TNK2: variants seen among roughly 807,000 people sequenced by gnomAD.
TNK2 encodes the protein activated CDC42 kinase 1.
A neutral mutation model predicts 101.8 loss-of-function variants in TNK2; 83 were observed. The observed-to-expected ratio is 0.82, with a 90% CI of 0.68 to 0.98. TNK2 has a LOEUF of 0.98. TNK2 is among the 50% of genes least tolerant of loss of function. The probability of loss-of-function intolerance (pLI) is 0.00; values close to 1 mark genes in which losing one functional copy is unlikely to be tolerated. For missense variants in TNK2, 1,665 were observed against 1,483.2 expected (o/e 1.12, Z -2.01); for synonymous variants, 804 against 633.0 (o/e 1.27, Z -4.06).
Position 195,868,044 on chromosome 3 carries a change from GCTTGTCGTCACCCC to G in TNK2, c.2240_2253del (p.Gly747AlafsTer142). Reference sequence around the variant, plus strand: ...ATGGGTACCCGAGGAGGCACCTGGGGCTTGTCGTCACCCCCCGGGCTGGGAGAGGGGGCCGGGGA... The same window carrying G: ...ATGGGTACCCGAGGAGGCACCTGGGGCCGGGCTGGGAGAGGGGGCCGGGGA... On this transcript the variant is annotated frameshift_variant, in exon 13 of 16. Coordinates refer to ENST00000672887, the MANE Select transcript of TNK2 (RefSeq NM_001382273.1). LOFTEE classifies it high-confidence loss of function. 1 of 1,596,716 alleles carries G rather than the reference GCTTGTCGTCACCCC, an allele frequency of 6.3e-7. No homozygotes were observed. The highest frequency in any genetic ancestry group is 8.5e-7 in the Non-Finnish European group (1 of 1,174,978).
At position 195,878,157 on chromosome 3, in the gene TNK2, A is replaced by C. The variant is rs898035795; in HGVS notation, c.1256+96T>G. On this transcript the variant is annotated intron_variant, in intron 9 of 15. Coordinates refer to ENST00000672887, the MANE Select transcript of TNK2 (RefSeq NM_001382273.1). This position sits in a 1 kb window ranked among gnomAD's most constrained non-coding sequence, Gnocchi z 4.7. ...CCAACCGCCAGCCTGTATGTGGCCA[A>C]GGGAATCTTGGAGGCCAAACAGATC... 19 of 1,341,736 alleles carry C rather than the reference A, an allele frequency of 1.4e-5. No homozygotes were observed. The highest frequency in any genetic ancestry group is 1.9e-5 in the Non-Finnish European group (18 of 938,370). 83.1% of individuals were successfully genotyped at this position (1,341,736 alleles called of 1,614,324 possible).
chr3:195,871,947 A>C lies in TNK2; in HGVS notation c.1451+329T>G, dbSNP rs13063157. On this transcript the variant is annotated intron_variant, in intron 10 of 15. Coordinates refer to ENST00000672887, the MANE Select transcript of TNK2 (RefSeq NM_001382273.1). ...CCTGGAGAACCCTCCCCTGGAGAACATTCCCCTGGAGAACCCTCCCCTGGA... is the reference window on the plus strand; with the variant it reads ...CCTGGAGAACCCTCCCCTGGAGAACCTTCCCCTGGAGAACCCTCCCCTGGA... Among the ~76,000 whole-genome samples, 49 of 72,978 alleles carry C rather than the reference A, an allele frequency of 6.7e-4. 1 individual carries two copies. Among genetic ancestry groups the C allele is most frequent in the African/African-American group, 1.3e-3 (25 of 19,340 alleles). The allele number at this position is 72,978 out of a possible 152,430, so 47.9% of individuals were successfully genotyped here.
intron 10 of TNK2, among the ~76,000 whole-genome samples, chr3:195,871,565 T>C (rs1745349921): frequency 6.6e-6 from 1 of 152,132 alleles, no homozygotes; most frequent in South Asian, 2.1e-4. Flanking sequence ...AGGGGGGTCA[T>C]GGGAGAAGCT....
intron 1 of TNK2, among the ~76,000 whole-genome samples, chr3:195,903,329 C>T (rs941616490): frequency 1.2e-4 from 18 of 152,144 alleles, no homozygotes; most frequent in Non-Finnish European, 5.9e-5. Context: ...CGTGAGCCAC[C>T]GCGCCCGGCC....
Position 195,868,027 on chromosome 3 carries a change from C to T in TNK2, c.2271G>A (p.Arg757=), listed in dbSNP as rs747168931. The change falls in exon 13 of 16, where the codon CGG becomes CGA. Residue 757 remains arginine (R), a synonymous_variant. Transcript: ENST00000672887. ...GCGTGGGCCGAGGGGGGATGGGTAC[C>T]CGAGGAGGCACCTGGGGCTTGTCGT... ...GGDDKPQVPP[R]VPIPPRPTRP... 2 of 1,587,976 alleles carry T rather than the reference C, an allele frequency of 1.3e-6. No homozygotes were observed. Among genetic ancestry groups the T allele is most frequent in the East Asian group, 2.3e-5 (1 of 44,218 alleles).
rs972553246 is a variant in TNK2 at position 195,878,794 on chromosome 3, G to A, written c.1015-202C>T. Among the ~76,000 whole-genome samples the A allele has an allele frequency of 2.0e-5, 3 of 152,226 alleles. No individual in the cohort carries two copies. The East Asian group carries it at 5.8e-4, about 29-fold the overall frequency. On this transcript the variant is annotated intron_variant, in intron 7 of 15. Coordinates refer to ENST00000672887, the MANE Select transcript of TNK2 (RefSeq NM_001382273.1). This position sits in a 1 kb window ranked among gnomAD's most constrained non-coding sequence, Gnocchi z 4.7. ...CTGGAGCCTCGGAACAAGTGGATGT[G>A]GCAAGGGCTAGAGAAGGAGGGCAGG...
chr3:195,875,720 C>A (rs1748753313), intron 9 of TNK2, among the ~76,000 whole-genome samples: 1 of 152,180 alleles, frequency 6.6e-6, no homozygotes, highest in Non-Finnish European at 1.5e-5. Context: ...GGGCTGCTAC[C>A]CGGCCGTGAC....
intron 1 of TNK2, among the ~76,000 whole-genome samples, chr3:195,901,765 C>A (rs11720557): frequency 0.29 from 44,584 of 152,064 alleles, 6,744 homozygotes; most frequent in East Asian, 0.45. Context: ...ATATGGAAAC[C>A]AGCTCTGGAG....
intron 1 of TNK2, among the ~76,000 whole-genome samples, chr3:195,900,571 C>T (rs945927685): frequency 2.0e-5 from 3 of 152,218 alleles, no homozygotes; most frequent in African/African-American, 7.2e-5. Context: ...AGACAGTACA[C>T]TGAGGGCCCT....
At position 195,869,513 on chromosome 3, in the gene TNK2, A is replaced by G; in HGVS notation, c.1572T>C (p.Pro524=). Residue 524 remains proline, a synonymous_variant, in exon 12 of 16, where the codon CCT becomes CCC. Coordinates refer to ENST00000672887, the MANE Select transcript of TNK2 (RefSeq NM_001382273.1). Reference sequence around the variant, plus strand: ...CCCACTTACTCTGAGTGAAGAAGGCAGGCTGAGGTGGGCGAGGTGGAGGCT... The same window carrying G: ...CCCACTTACTCTGAGTGAAGAAGGCGGGCTGAGGTGGGCGAGGTGGAGGCT... ...KREPPPRPPQ[P]AFFTQKPTYD... 6.4e-7 allele frequency: 1 copy of G among 1,550,996 alleles called. No homozygotes were observed. The highest frequency in any genetic ancestry group is 8.7e-7 in the Non-Finnish European group (1 of 1,146,960).
intron 15 of TNK2, among the ~76,000 whole-genome samples, chr3:195,865,052 A>T (rs1739712742): frequency 1.4e-5 from 2 of 142,484 alleles, no homozygotes; most frequent in South Asian, 2.4e-4. Flanking sequence ...CACCCGAGAC[A>T]GTGACAGACA....
Position 195,878,652 on chromosome 3 carries a change from G to C in TNK2, c.1015-60C>G. 1 of 1,575,506 alleles carries C rather than the reference G, an allele frequency of 6.3e-7. No individual in the cohort carries two copies. Among genetic ancestry groups the C allele is most frequent in the Non-Finnish European group, 8.6e-7 (1 of 1,159,502 alleles). On this transcript the variant is annotated intron_variant, in intron 7 of 15. Coordinates refer to ENST00000672887, the MANE Select transcript of TNK2 (RefSeq NM_001382273.1). This position sits in a 1 kb window ranked among gnomAD's most constrained non-coding sequence, Gnocchi z 4.7. ...CAGAGCGCCCAGCCCTTCACTTCCCGCCTTCCCTCCAGCCCATCCACAGCT... is the reference window on the plus strand; with the variant it reads ...CAGAGCGCCCAGCCCTTCACTTCCCCCCTTCCCTCCAGCCCATCCACAGCT...
Position 195,868,054 on chromosome 3 carries a change from AC to A in TNK2, c.2243del (p.Gly748ValfsTer100). The A allele has an allele frequency of 2.5e-6, 4 of 1,597,914 alleles. No homozygotes were observed. Among genetic ancestry groups the A allele is most frequent in the Non-Finnish European group, 8.5e-7 (1 of 1,175,200 alleles). On this transcript the variant is annotated frameshift_variant, in exon 13 of 16. Transcript: ENST00000672887. LOFTEE classifies it high-confidence loss of function. ...GSPAPSPSPGGDDKPQVPPRV... is the reference protein window; with the variant it reads ...GSPAPSPSPGXDDKPQVPPRV... The stretch of plus-strand genomic sequence containing the variant: ...GAGGAGGCACCTGGGGCTTGTCGTC[AC>A]CCCCCGGGCTGGGAGAGGGGGCCGG...
intron 12 of TNK2, 183 bp downstream of exon 12, chr3:195,869,314 G>C: frequency 1.5e-6 from 1 of 669,670 alleles, no homozygotes; most frequent in East Asian, 2.7e-5. Flanking sequence ...CAGAAGCCCA[G>C]GCTCCGGGGG....
intron 9 of TNK2, among the ~76,000 whole-genome samples, chr3:195,873,163 A>G (rs898651206): frequency 9.2e-5 from 14 of 152,170 alleles, no homozygotes; most frequent in African/African-American, 3.1e-4. Context: ...ACCTGTGTCC[A>G]AAAGGGAACT....
At position 195,872,420 on chromosome 3, in the gene TNK2, C is replaced by T. The variant is rs1364521091; in HGVS notation, c.1307G>A (p.Gly436Glu). The change falls in exon 10 of 16, where the codon GGG becomes GAG. Residue 436 changes from glycine to glutamate, a missense_variant. Transcript: ENST00000672887. Reference sequence around the variant, plus strand: ...GGTCACCACGTTGCGAGGGAAGGGCCCCACACACAGCGTCCGTGTGTTCTG... The same window carrying T: ...GGTCACCACGTTGCGAGGGAAGGGCTCCACACACAGCGTCCGTGTGTTCTG... ...RGQNTRTLCVGPFPRNVVTSV... is the reference protein window; with the variant it reads ...RGQNTRTLCVEPFPRNVVTSV... 7 of 1,612,328 alleles carry T rather than the reference C, an allele frequency of 4.3e-6. No homozygotes were observed. The highest frequency in any genetic ancestry group is 5.9e-6 in the Non-Finnish European group (7 of 1,179,432).
intron 12 of TNK2, 104 bp from the exon 13 acceptor site, chr3:195,868,813 C>T (rs980452094): frequency 2.9e-5 from 39 of 1,347,612 alleles, no homozygotes; most frequent in Non-Finnish European, 3.4e-5. Flanking sequence ...CCCAGCAACC[C>T]TCCACTCCCA....
intron 1 of TNK2, among the ~76,000 whole-genome samples, chr3:195,901,121 C>G (rs1761160344): frequency 6.6e-6 from 1 of 152,132 alleles, no homozygotes; most frequent in Non-Finnish European, 1.5e-5. Flanking sequence ...GCCTGGGAGC[C>G]AGAGAAATGT....
At position 195,869,523 on chromosome 3, in the gene TNK2, G is replaced by A. The variant is rs1743407342; in HGVS notation, c.1562C>T (p.Pro521Leu). The A allele has an allele frequency of 1.3e-6, 2 of 1,551,108 alleles. No individual in the cohort carries two copies. Among genetic ancestry groups the A allele is most frequent in the Non-Finnish European group, 1.7e-6 (2 of 1,146,970 alleles). The change falls in exon 12 of 16, where the codon CCA (proline) becomes CTA (leucine). Residue 521 changes from proline (P) to leucine (L), a missense_variant. Around this residue, in one of 3 missense-constraint regions of TNK2, gnomAD observed 1,136 missense variants for 894.9 expected, o/e 1.27. Coordinates refer to ENST00000672887, the MANE Select transcript of TNK2 (RefSeq NM_001382273.1). ...GGVKREPPPR[P>L]PQPAFFTQKP... ...CTGAGTGAAGAAGGCAGGCTGAGGT[G>A]GGCGAGGTGGAGGCTCCCCTGCAAG...
Sources: allele counts gnomAD v4.1 joint callset (sites outside exome capture counted in the v4.1 genomes callset), GRCh38; gene constraint gnomAD v4.1.1; regional missense constraint gnomAD v4.1.1; non-coding constraint Gnocchi (gnomAD v3.1); transcripts MANE v1.5; gene names NCBI Gene and HGNC (gene_info 2026-07-23, HGNC 2026-07-21).